The following MAGI3 variants were observed in gnomAD, a reference collection of about 807,000 sequenced individuals.
MAGI3 encodes membrane associated guanylate kinase, WW and PDZ domain containing 3.
In MAGI3, 43 loss-of-function variants were observed where a neutral mutation model predicts 121.8. That is an observed-to-expected ratio of 0.35 (90% confidence interval 0.28 to 0.46). MAGI3 has a LOEUF of 0.46. Ranked by LOEUF, MAGI3 falls within the 20% of genes least tolerant of loss-of-function variation. The pLI, the probability that MAGI3 is intolerant of heterozygous loss-of-function variation, is 1.00. For missense variants in MAGI3, 1,547 were observed against 1,797.3 expected (o/e 0.86, Z 2.52); for synonymous variants, 553 against 639.3 (o/e 0.86, Z 2.04).
chr1:113,633,806 A>G (rs1021132724), intron 9 of MAGI3, among the ~76,000 whole-genome samples: 14 of 152,280 alleles, frequency 9.2e-5, no homozygotes, highest in African/African-American at 1.7e-4. Context: ...CTGAGGAATC[A>G]CCACACTGAC....
At position 113,650,995 on chromosome 1, in the gene MAGI3, T is replaced by C. The variant is rs1222788852; in HGVS notation, c.2248-19T>C. On this transcript the variant is annotated intron_variant, in intron 13 of 20. Transcript: ENST00000307546. ...AAACTTTACACTGTGGACCAAACTGTACTTTGTTATCTTATCAGATATATA... is the reference window on the plus strand; with the variant it reads ...AAACTTTACACTGTGGACCAAACTGCACTTTGTTATCTTATCAGATATATA... The C allele has an allele frequency of 3.1e-6, 5 of 1,607,564 alleles. No individual in the cohort carries two copies. Among genetic ancestry groups the C allele is most frequent in the Non-Finnish European group, 4.3e-6 (5 of 1,175,748 alleles).
chr1:113,682,566 C>T (rs542321125), intron 20 of MAGI3: 13 of 1,207,648 alleles, frequency 1.1e-5, no homozygotes, highest in Admixed American at 4.1e-5. Context: ...TCTTGGGCCA[C>T]GTAATTTGGT....
At chr1:113,415,723 C>T (rs1652266403) in intron 1 of MAGI3, among the ~76,000 whole-genome samples, 1 of 151,984 alleles carries the variant, frequency 6.6e-6, no homozygotes, top group Non-Finnish European at 1.5e-5. Flanking sequence ...TCTCCTACAC[C>T]AATGACAATG....
chr1:113,600,597 C>T (rs926555652), intron 6 of MAGI3, among the ~76,000 whole-genome samples: 3 of 71,520 alleles, frequency 4.2e-5, no homozygotes, highest in Non-Finnish European at 9.9e-5. Context: ...GAAGAACATT[C>T]CATGCTCATG....
chr1:113,586,170 G>T (rs1172873369), intron 4 of MAGI3, among the ~76,000 whole-genome samples: 1 of 152,124 alleles, frequency 6.6e-6, no homozygotes, highest in African/African-American at 2.4e-5. Flanking sequence ...TGCTTAGAGG[G>T]TTATTAGACT....
At chr1:113,569,239 T>A (rs1660555993) in intron 2 of MAGI3, among the ~76,000 whole-genome samples, 1 of 152,186 alleles carries the variant, frequency 6.6e-6, no homozygotes, top group Non-Finnish European at 1.5e-5. Flanking sequence ...ATGATACCTA[T>A]ACACTTCAAT....
At chr1:113,594,124 A>T (rs1648853009) in intron 5 of MAGI3, among the ~76,000 whole-genome samples, 1 of 152,210 alleles carries the variant, frequency 6.6e-6, no homozygotes, top group South Asian at 2.1e-4. Context: ...GTGAGCAAAC[A>T]AGGTTTTCAG....
intron 9 of MAGI3, among the ~76,000 whole-genome samples, chr1:113,630,126 T>C (rs1257899302): frequency 6.6e-6 from 1 of 152,072 alleles, no homozygotes; most frequent in Non-Finnish European, 1.5e-5. Flanking sequence ...TTACCTGGTA[T>C]TCTATTCTAT....
chr1:113,515,636 C>G (rs937606550), intron 1 of MAGI3, among the ~76,000 whole-genome samples: 7 of 152,096 alleles, frequency 4.6e-5, no homozygotes, highest in Admixed American at 2.6e-4. Flanking sequence ...TTGTTCAAGA[C>G]CATTTTTTCA....
rs374062732 is a variant in MAGI3, at chr1:113,629,729, CCT to C, written c.1360+6767_1360+6768del. Among the ~76,000 whole-genome samples, 858 of 111,966 alleles carry C rather than the reference CCT, an allele frequency of 7.7e-3. 26 individuals carry two copies. The highest frequency in any genetic ancestry group is 0.026 in the African/African-American group (772 of 29,354). The allele number at this position is 111,966 out of a possible 152,430, so 73.5% of individuals were successfully genotyped here. A position where few individuals can be genotyped will look rare whatever the true frequency, so the allele number is the denominator to read the frequency against. ...CTTCCAAACAAACAAAGTCAGTCTCCCTCTCTCTCTCTCTCTCTCTCTCTCTC... is the reference window on the plus strand; with the variant it reads ...CTTCCAAACAAACAAAGTCAGTCTCCCTCTCTCTCTCTCTCTCTCTCTCTC... On this transcript the variant is annotated intron_variant, in intron 9 of 20. Coordinates refer to ENST00000307546, the MANE Select transcript of MAGI3 (RefSeq NM_001142782.2).
chr1:113,400,540 T>C (rs1334321136), intron 1 of MAGI3, among the ~76,000 whole-genome samples: 1 of 152,142 alleles, frequency 6.6e-6, no homozygotes, highest in African/African-American at 2.4e-5. Flanking sequence ...TTCGGATGAC[T>C]TTAGACCATA....
chr1:113,514,170 A>G (rs989744546), intron 1 of MAGI3, among the ~76,000 whole-genome samples: 4 of 152,202 alleles, frequency 2.6e-5, no homozygotes, highest in East Asian at 1.9e-4. Flanking sequence ...CTTTTACACC[A>G]TTGGTGGGAC....
chr1:113,503,519 TTC>T (rs1348646312), intron 1 of MAGI3, among the ~76,000 whole-genome samples: 2 of 152,006 alleles, frequency 1.3e-5, no homozygotes, highest in African/African-American at 4.8e-5. Flanking sequence ...ACGATAATTT[TTC>T]TCTCTGTATA....
chr1:113,422,471 C>G lies in MAGI3; in HGVS notation c.316+31122C>G, dbSNP rs187685022. 2.6e-3 allele frequency among the ~76,000 whole-genome samples: 396 copies of G among 152,364 alleles called. 2 individuals carry two copies. The highest frequency in any genetic ancestry group is 9.1e-3 in the African/African-American group (380 of 41,588). On this transcript the variant is annotated intron_variant, in intron 1 of 20. Transcript: ENST00000307546. The surrounding 1 kb of genome is among the most constrained non-coding windows in gnomAD (Gnocchi z 4.3). Reference sequence around the variant, plus strand: ...CATGATGCCTGCCCGGATCCCATACCTGCCAAGGGTGAGCCAGGACAGAGC... The same window carrying G: ...CATGATGCCTGCCCGGATCCCATACGTGCCAAGGGTGAGCCAGGACAGAGC...
In MAGI3 at chr1:113,461,005, C is replaced by T. The variant is rs185775260; in HGVS notation, c.316+69656C>T. 2.2e-3 allele frequency among the ~76,000 whole-genome samples: 332 copies of T among 152,116 alleles called. 1 individual carries two copies. The highest frequency in any genetic ancestry group is 4.1e-3 in the Non-Finnish European group (279 of 67,982). On this transcript the variant is annotated intron_variant, in intron 1 of 20. Coordinates refer to ENST00000307546, the MANE Select transcript of MAGI3 (RefSeq NM_001142782.2). ...CAGTTGCCACAAAAAGAATAAAATA[C>T]CTGGGACTACAGCTAGCCAGGGAGG...
At chr1:113,563,237 T>C (rs987973212) in intron 2 of MAGI3, among the ~76,000 whole-genome samples, 2 of 152,218 alleles carry the variant, frequency 1.3e-5, no homozygotes, top group Non-Finnish European at 1.5e-5. Context: ...AGAAAAGTTA[T>C]TTGGCAAAAT....
intron 1 of MAGI3, among the ~76,000 whole-genome samples, chr1:113,468,059 C>T (rs931612805): frequency 2.0e-5 from 3 of 151,834 alleles, no homozygotes; most frequent in Admixed American, 6.6e-5. Context: ...TTTTGGTTTC[C>T]AGTTGTATGA....
At chr1:113,396,922 T>C (rs560267002) in intron 1 of MAGI3, among the ~76,000 whole-genome samples, 2 of 152,262 alleles carry the variant, frequency 1.3e-5, no homozygotes, top group East Asian at 3.9e-4. Context: ...TTGGTGAAAA[T>C]GAGACTAACT....
At chr1:113,429,508 T>C (rs1290943699) in intron 1 of MAGI3, among the ~76,000 whole-genome samples, 1 of 152,196 alleles carries the variant, frequency 6.6e-6, no homozygotes, top group Non-Finnish European at 1.5e-5. Flanking sequence ...TGGTTTACAC[T>C]CTATGTAAAT....
Sources: gnomAD v4.1 joint callset for allele counts (sites outside exome capture counted in the v4.1 genomes callset) on GRCh38, gnomAD v4.1.1 for gene constraint, Gnocchi (gnomAD v3.1) non-coding constraint, MANE v1.5 for transcripts, NCBI Gene and HGNC (gene_info 2026-07-23, HGNC 2026-07-21) for gene names.